The following LLGL2 variants were observed in gnomAD, a reference collection of about 807,000 sequenced individuals.
The protein encoded by LLGL2 is LLGL2, scribble cell polarity complex component.
In LLGL2, 81 loss-of-function variants were observed where a neutral mutation model predicts 123.2. The ratio of observed to expected loss-of-function variants is 0.66; its 90% CI spans 0.55 to 0.79. The LOEUF (loss-of-function observed/expected upper bound fraction) is 0.79. LLGL2 is among the 30% of genes least tolerant of loss of function. The pLI, the probability that LLGL2 is intolerant of heterozygous loss-of-function variation, is 0.00. For synonymous variants in LLGL2, 577 were observed against 594.1 expected (o/e 0.97, Z 0.42); for missense variants, 1,273 against 1,414.6 (o/e 0.90, Z 1.61).
chr17:75,541,526 C>T (rs2054205751), intron 1 of LLGL2, among the ~76,000 whole-genome samples: 1 of 152,168 alleles, frequency 6.6e-6, no homozygotes, highest in Non-Finnish European at 1.5e-5. Flanking sequence ...GCCACCTGCT[C>T]TTCCCCAGCA....
In LLGL2 at chr17:75,558,625, A is replaced by G; in HGVS notation, c.369A>G (p.Pro123=). Residue 123 remains proline (P), a splice_region_variant and synonymous_variant, in exon 5 of 26, where the codon CCA becomes CCG. Transcript: ENST00000392550. The surrounding 1 kb of genome is among the most constrained non-coding windows in gnomAD (Gnocchi z 4.0). ...EDESFTLRGP[P]GAAPSATQIT... ...AGAGCTTCACACTGCGTGGACCCCC[A>G]GGGTAAGGGCTCAATCCCCAGCCCC... 6.3e-7 allele frequency: 1 copy of G among 1,597,852 alleles called. No individual in the cohort carries two copies. Among genetic ancestry groups the G allele is most frequent in the Non-Finnish European group, 8.5e-7 (1 of 1,172,450 alleles).
At chr17:75,572,181 G>A in intron 19 of LLGL2, 117 bp downstream of exon 19, 4 of 1,011,062 alleles carry the variant, frequency 4.0e-6, no homozygotes, top group Non-Finnish European at 5.8e-6. Context: ...TGTCTGAGGG[G>A]CTGCAGAAGT....
chr17:75,554,169 G>T (rs1253144325), intron 2 of LLGL2, among the ~76,000 whole-genome samples: 1 of 152,118 alleles, frequency 6.6e-6, no homozygotes, highest in African/African-American at 2.4e-5. Flanking sequence ...GGGCATGGTG[G>T]TGGGTGCCTG....
intron 19 of LLGL2, 137 bp from the exon 20 acceptor site, chr17:75,572,877 C>G: frequency 1.9e-6 from 2 of 1,043,638 alleles, no homozygotes; most frequent in Non-Finnish European, 2.7e-6. Flanking sequence ...TCCTCCCAGG[C>G]CATGTCTGTG....
chr17:75,573,656 T>TTGCC, intron 21 of LLGL2, 25 bp downstream of exon 21: 1 of 1,429,092 alleles, frequency 7.0e-7, no homozygotes, highest in Non-Finnish European at 9.3e-7. Context: ...CAGAGGCCTC[T>TTGCC]CCCGCCCCTC....
At chr17:75,539,874 G>T (rs2054144416) in intron 1 of LLGL2, among the ~76,000 whole-genome samples, 1 of 152,186 alleles carries the variant, frequency 6.6e-6, no homozygotes, top group Non-Finnish European at 1.5e-5. Flanking sequence ...CTCCCAGAGT[G>T]CTGGGATTAC....
intron 1 of LLGL2, among the ~76,000 whole-genome samples, chr17:75,532,025 T>C (rs914989690): frequency 2.7e-5 from 4 of 148,618 alleles, no homozygotes; most frequent in African/African-American, 7.5e-5. Flanking sequence ...CAGGACCATA[T>C]GACTGTAATA....
intron 21 of LLGL2, 142 bp from the exon 22 acceptor site, chr17:75,573,810 T>G: frequency 8.1e-7 from 1 of 1,231,344 alleles, no homozygotes; most frequent in Non-Finnish European, 1.2e-6. Context: ...AAGCTGGCAG[T>G]CCAGGGCAGG....
chr17:75,560,643 C>T lies in LLGL2; in HGVS notation c.530+1233C>T, dbSNP rs558617912. Among the ~76,000 whole-genome samples, 7 of 151,018 alleles carry T rather than the reference C, an allele frequency of 4.6e-5. No individual in the cohort carries two copies. The South Asian group carries it at 1.0e-3, about 23-fold the overall frequency. On this transcript the variant is annotated intron_variant, in intron 6 of 25. Transcript: ENST00000392550. ...CTGGGATTACAGGCATGCGCTACCA[C>T]ACCCAGCTAATTTTGTATTTTTAGT...
At chr17:75,557,034 CTTT>C (rs55649536) in intron 3 of LLGL2, among the ~76,000 whole-genome samples, 11 of 109,884 alleles carry the variant, frequency 1.0e-4, no homozygotes, top group African/African-American at 5.2e-4. Flanking sequence ...GTCTCAAAAA[CTTT>C]TTTTTTTTTT....
At chr17:75,574,558 G>A (rs372252800) in intron 24 of LLGL2, 52 bp from the exon 25 acceptor site, 18 of 1,599,050 alleles carry the variant, frequency 1.1e-5, no homozygotes, top group Admixed American at 1.7e-5. Flanking sequence ...TCAGGGGAGC[G>A]CTGAGAGTGG....
chr17:75,572,866 A>C (rs1477054067), intron 19 of LLGL2, 148 bp from the exon 20 acceptor site: 1 of 930,256 alleles, frequency 1.1e-6, no homozygotes, highest in Non-Finnish European at 1.6e-6. Flanking sequence ...TGACCTCGGC[A>C]TCCTCCCAGG....
At chr17:75,537,177 A>C (rs966052942) in intron 1 of LLGL2, among the ~76,000 whole-genome samples, 1 of 152,110 alleles carries the variant, frequency 6.6e-6, no homozygotes, top group East Asian at 1.9e-4. Flanking sequence ...AGCACACTTC[A>C]CCCATCCCCT....
rs1286916471 is a variant in LLGL2 at position 75,549,781 on chromosome 17, G to A, written c.76-6265G>A. Among the ~76,000 whole-genome samples, 1 of 152,188 alleles carries A rather than the reference G, an allele frequency of 6.6e-6. No individual in the cohort carries two copies. The highest frequency in any genetic ancestry group is 1.5e-5 in the Non-Finnish European group (1 of 68,026). On this transcript the variant is annotated intron_variant, in intron 2 of 25. Transcript: ENST00000392550. This position sits in a 1 kb window ranked among gnomAD's most constrained non-coding sequence, Gnocchi z 4.0. ...CTCCTCAGGTCCTAGCCCTTGGGCA[G>A]GGTCCTCCCTGGCTGCAGGCAGGAT...
intron 3 of LLGL2, among the ~76,000 whole-genome samples, chr17:75,557,567 T>C (rs1227990909): frequency 6.6e-6 from 1 of 152,224 alleles, no homozygotes. Context: ...ATAGCTTGGC[T>C]GCCACCTCCA....
chr17:75,540,558 G>T (rs979877630), intron 1 of LLGL2, among the ~76,000 whole-genome samples: 132 of 152,358 alleles, frequency 8.7e-4, no homozygotes, highest in African/African-American at 3.0e-3. Flanking sequence ...GCCCCAGACT[G>T]CCGGGTCGGC....
intron 2 of LLGL2, among the ~76,000 whole-genome samples, chr17:75,548,505 A>G (rs1427575110): frequency 6.6e-6 from 1 of 152,232 alleles, no homozygotes; most frequent in East Asian, 1.9e-4. Context: ...AGCTCAAAGT[A>G]TGCCAAAGAA....
intron 1 of LLGL2, among the ~76,000 whole-genome samples, chr17:75,534,278 G>A (rs1220821385): frequency 6.6e-6 from 1 of 152,260 alleles, no homozygotes; most frequent in African/African-American, 2.4e-5. Context: ...GAAACTTCAG[G>A]AGGAGTCTAG....
chr17:75,567,516 G>A (rs1237520062), intron 10 of LLGL2, among the ~76,000 whole-genome samples: 1 of 152,064 alleles, frequency 6.6e-6, no homozygotes, highest in South Asian at 2.1e-4. Context: ...GTGAGTGCCT[G>A]TAATCCCAGC....
Sources: allele counts gnomAD v4.1 joint callset (sites outside exome capture counted in the v4.1 genomes callset), GRCh38; gene constraint gnomAD v4.1.1; non-coding constraint Gnocchi (gnomAD v3.1); transcripts MANE v1.5; gene names NCBI Gene and HGNC (gene_info 2026-07-23, HGNC 2026-07-21).